The following GJB2 variants were observed in gnomAD, a reference collection of about 807,000 sequenced individuals.
GJB2 encodes the protein gap junction beta-2 protein.
Under a neutral mutation model 16.0 loss-of-function variants are expected in GJB2, and 30 were observed. The ratio of observed to expected loss-of-function variants is 1.88; its 90% CI spans 1.41 to 2.55. The LOEUF is 2.55. Among genes scored for constraint, GJB2 ranks in the 30% most tolerant of loss-of-function variants. GJB2 has a pLI of 0.00. For missense variants in GJB2, 284 were observed against 289.7 expected (o/e 0.98, Z 0.14); for synonymous variants, 123 against 119.1 (o/e 1.03, Z -0.21).
In GJB2 at chr13:20,187,688, C is replaced by T. The variant is rs1202763642; in HGVS notation, c.*1213G>A. The T allele has an allele frequency of 6.6e-6, 1 of 152,144 alleles. No homozygotes were observed. Among genetic ancestry groups the T allele is most frequent in the Admixed American group, 6.5e-5 (1 of 15,268 alleles). 9.4% of individuals were successfully genotyped at this position (152,144 alleles called of 1,614,324 possible). On this transcript the variant is annotated 3_prime_UTR_variant, in exon 2 of 2. Coordinates refer to ENST00000382848, the MANE Select transcript of GJB2 (RefSeq NM_004004.6). ...AATGGCAATATTCAGGTTCAATCTT[C>T]CTATAGATCTGCTCAATATTTATCT... is the stretch of plus-strand genomic sequence containing the variant.
Position 20,188,684 on chromosome 13 carries a change from G to A in GJB2, c.*217C>T. 6.8e-6 allele frequency: 4 copies of A among 592,432 alleles called. No homozygotes were observed. In the East Asian group the frequency reaches 8.4e-5, roughly 12 times the overall value. The allele number at this position is 592,432 out of a possible 1,614,324, so 36.7% of individuals were successfully genotyped here. On this transcript the variant is annotated 3_prime_UTR_variant, in exon 2 of 2. Coordinates refer to ENST00000382848, the MANE Select transcript of GJB2 (RefSeq NM_004004.6). The stretch of plus-strand genomic sequence containing the variant: ...CTTAAGTGAAAGAAAATTAAGACAG[G>A]CATAGAATTAGGCCTTTGTTTTGAG...
chr13:20,187,819 T>C lies in GJB2; in HGVS notation c.*1082A>G, dbSNP rs752926267. ...AAACTTTTGAAGTAGACAAAGCTCA[T>C]CTTTAATCAACAGACTTTAGAGTCC... On this transcript the variant is annotated 3_prime_UTR_variant, in exon 2 of 2. Transcript: ENST00000382848. The C allele has an allele frequency of 6.6e-6, 1 of 152,274 alleles. No homozygotes were observed. Among genetic ancestry groups the C allele is most frequent in the Non-Finnish European group, 1.5e-5 (1 of 68,048 alleles). The allele number at this position is 152,274 out of a possible 1,614,324, so 9.4% of individuals were successfully genotyped here.
At chr13:20,192,091 C>T (rs1411184967) in intron 1 of GJB2, among the ~76,000 whole-genome samples, 1 of 152,240 alleles carries the variant, frequency 6.6e-6, no homozygotes, top group African/African-American at 2.4e-5. Flanking sequence ...TGGAACCGTC[C>T]TGAGGACGCG....
rs536433706 is a variant in GJB2, at chr13:20,192,038, C to T, written c.-23+745G>A. On this transcript the variant is annotated intron_variant, in intron 1 of 1. Transcript: ENST00000382848. ...AGCTGTTAGTTAGGTGAGCGCTGTTCGGGCTGCCTTCCTCCTCCAGTGGGG... is the reference window on the plus strand; with the variant it reads ...AGCTGTTAGTTAGGTGAGCGCTGTTTGGGCTGCCTTCCTCCTCCAGTGGGG... Among the ~76,000 whole-genome samples, 22 of 152,326 alleles carry T rather than the reference C, an allele frequency of 1.4e-4. 1 individual carries two copies. The highest frequency in any genetic ancestry group is 5.3e-4 in the African/African-American group (22 of 41,562).
At chr13:20,192,300 G>A (rs1357538448) in intron 1 of GJB2, among the ~76,000 whole-genome samples, 2 of 152,212 alleles carry the variant, frequency 1.3e-5, no homozygotes, top group African/African-American at 4.8e-5. Flanking sequence ...TCTGCCCGGG[G>A]ATTTTTCTGC....
At position 20,189,153 on chromosome 13, in the gene GJB2, C is replaced by T; in HGVS notation, c.429G>A (p.Arg143=). Residue 143 remains arginine, a synonymous_variant, in exon 2 of 2, where the codon CGG becomes CGA. Coordinates refer to ENST00000382848, the MANE Select transcript of GJB2 (RefSeq NM_004004.6). ...ACATGAAGGCGGCTTCGAAGATGAC[C>T]CGGAAGAAGATGCTGCTTGTGTAGG... The part of the protein sequence containing the change: ...WWTYTSSIFF[R]VIFEAAFMYV... 2.5e-6 allele frequency: 4 copies of T among 1,614,066 alleles called. No homozygotes were observed. Among genetic ancestry groups the T allele is most frequent in the Non-Finnish European group, 3.4e-6 (4 of 1,180,046 alleles).
chr13:20,190,008 C>T (rs9578261), intron 1 of GJB2, among the ~76,000 whole-genome samples: 11,088 of 152,256 alleles, frequency 0.073, 1,329 homozygotes, highest in African/African-American at 0.25. Context: ...AGTTACTCAG[C>T]GTTCAACAGC....
intron 1 of GJB2, among the ~76,000 whole-genome samples, chr13:20,190,682 T>A (rs1405749708): frequency 6.6e-6 from 1 of 152,186 alleles, no homozygotes; most frequent in Non-Finnish European, 1.5e-5. Context: ...TGAATTGTCT[T>A]CACTGATTCA....
chr13:20,190,447 A>C (rs1262076563), intron 1 of GJB2, among the ~76,000 whole-genome samples: 4 of 152,206 alleles, frequency 2.6e-5, no homozygotes, highest in Admixed American at 2.6e-4. Flanking sequence ...GTGCATTATA[A>C]TTGTGGGCTG....
At position 20,189,333 on chromosome 13, in the gene GJB2, G is replaced by A. The variant is rs111033218; in HGVS notation, c.249C>T (p.Phe83=). ...CCACTAGGAGCGCTGGCGTGGACAC[G>A]AAGATCAGCTGCAGGGCCCATAGCC... The part of the protein sequence containing the change: ...HIRLWALQLI[F]VSTPALLVAM... Residue 83 remains phenylalanine, a synonymous_variant, in exon 2 of 2, where the codon TTC becomes TTT. Transcript: ENST00000382848. 1.4e-5 allele frequency: 22 copies of A among 1,614,090 alleles called. No individual in the cohort carries two copies. The highest frequency in any genetic ancestry group is 6.6e-5 in the South Asian group (6 of 91,078).
In GJB2 at chr13:20,189,066, C is replaced by T. The variant is rs1302739538; in HGVS notation, c.516G>A (p.Trp172Ter). ...AGCAGTCCACAGTGTTGGGACAAGGCCAGGCGTTGCACTTCACCAGCCGCT... is the reference window on the plus strand; with the variant it reads ...AGCAGTCCACAGTGTTGGGACAAGGTCAGGCGTTGCACTTCACCAGCCGCT... ...SMQRLVKCNAWPCPNTVDCFV... is the reference protein window; with the variant it reads ...SMQRLVKCNA Residue 172 changes from tryptophan (W) to a stop codon, truncating the protein, a stop_gained, in exon 2 of 2, where the codon TGG (tryptophan) becomes TGA (stop). Coordinates refer to ENST00000382848, the MANE Select transcript of GJB2 (RefSeq NM_004004.6). LOFTEE classifies it high-confidence loss of function. 1.2e-6 allele frequency: 2 copies of T among 1,614,052 alleles called. No homozygotes were observed. The highest frequency in any genetic ancestry group is 1.7e-6 in the Non-Finnish European group (2 of 1,180,030).
At chr13:20,190,638 T>A (rs918759401) in intron 1 of GJB2, among the ~76,000 whole-genome samples, 3 of 152,238 alleles carry the variant, frequency 2.0e-5, no homozygotes, top group Admixed American at 6.5e-5. Flanking sequence ...GATAATCTCC[T>A]GTGAGCCCAT....
chr13:20,189,296 C>T lies in GJB2; in HGVS notation c.286G>A (p.Ala96Thr). Residue 96 changes from alanine (A) to threonine (T), a missense_variant, in exon 2 of 2, where the codon GCC (alanine) becomes ACC (threonine). Ala to Thr is a moderately conservative substitution (Grantham distance 58). Transcript: ENST00000382848. The stretch of plus-strand genomic sequence containing the variant: ...CTCTTCTTCTCATGTCTCCGGTAGG[C>T]CACGTGCATGGCCACTAGGAGCGCT... ...TPALLVAMHV[A>T]YRRHEKKRKF... 2 of 1,613,956 alleles carry T rather than the reference C, an allele frequency of 1.2e-6. No individual in the cohort carries two copies. The highest frequency in any genetic ancestry group is 1.7e-6 in the Non-Finnish European group (2 of 1,180,030).
In GJB2 at chr13:20,189,552, C is replaced by G. The variant is rs1215210213; in HGVS notation, c.30G>C (p.Leu10=). The G allele has an allele frequency of 5.0e-6, 8 of 1,614,030 alleles. No individual in the cohort carries two copies. Among genetic ancestry groups the G allele is most frequent in the Non-Finnish European group, 6.8e-6 (8 of 1,180,006 alleles). The part of the protein sequence containing the change: MDWGTLQTI[L]GGVNKHSTSI... ...TGGTGGAGTGTTTGTTCACACCCCC[C>G]AGGATCGTCTGCAGCGTGCCCCAAT... The change falls in exon 2 of 2, where the codon CTG becomes CTC. Residue 10 remains leucine, a synonymous_variant. Coordinates refer to ENST00000382848, the MANE Select transcript of GJB2 (RefSeq NM_004004.6).
chr13:20,189,193 C>T lies in GJB2; in HGVS notation c.389G>A (p.Gly130Asp), dbSNP rs779018464. Residue 130 changes from glycine to aspartate, a missense_variant, in exon 2 of 2, where the codon GGC becomes GAC. By Grantham distance (94) the Gly-to-Asp change is moderately conservative (BLOSUM62 -1). Transcript: ENST00000382848. ...EIKTQKVRIE[G>D]SLWWTYTSSI... The stretch of plus-strand genomic sequence containing the variant: ...GCTTGTGTAGGTCCACCACAGGGAG[C>T]CTTCGATGCGGACCTTCTGGGTTTT... 1 of 1,613,852 alleles carries T rather than the reference C, an allele frequency of 6.2e-7. No homozygotes were observed. The highest frequency in any genetic ancestry group is 8.5e-7 in the Non-Finnish European group (1 of 1,180,010).
At chr13:20,192,123 C>A (rs1306756520) in intron 1 of GJB2, among the ~76,000 whole-genome samples, 1 of 152,202 alleles carries the variant, frequency 6.6e-6, no homozygotes, top group Non-Finnish European at 1.5e-5. Context: ...CACACCACCT[C>A]TTCGCGAACA....
Position 20,188,851 on chromosome 13 carries a change from C to T in GJB2, c.*50G>A. The T allele has an allele frequency of 1.4e-6, 2 of 1,441,344 alleles. No individual in the cohort carries two copies. The highest frequency in any genetic ancestry group is 2.0e-6 in the Non-Finnish European group (2 of 1,023,954). 89.3% of individuals were successfully genotyped at this position (1,441,344 alleles called of 1,614,324 possible). A position where few individuals can be genotyped will look rare whatever the true frequency, so the allele number is the denominator to read the frequency against. ...GCCTTGACAGCTGAGCACGGGTTGCCTCATCCCTCTCATGCTGTCTATTTC... is the reference window on the plus strand; with the variant it reads ...GCCTTGACAGCTGAGCACGGGTTGCTTCATCCCTCTCATGCTGTCTATTTC... On this transcript the variant is annotated 3_prime_UTR_variant, in exon 2 of 2. Coordinates refer to ENST00000382848, the MANE Select transcript of GJB2 (RefSeq NM_004004.6).
At chr13:20,190,277 C>T (rs1959069232) in intron 1 of GJB2, among the ~76,000 whole-genome samples, 1 of 152,194 alleles carries the variant, frequency 6.6e-6, no homozygotes, top group African/African-American at 2.4e-5. Context: ...ACCTTGCTTC[C>T]TCCTACGTGA....
rs786204491 is a variant in GJB2, at chr13:20,189,291, G to GT, written c.290dup (p.Tyr97Ter). The GT allele has an allele frequency of 1.3e-5, 21 of 1,613,684 alleles. No individual in the cohort carries two copies. The highest frequency in any genetic ancestry group is 1.5e-5 in the Non-Finnish European group (18 of 1,180,012). ...PALLVAMHVA[Y>*]RRHEKKRKFI... is the part of the protein sequence containing the mutation. ...ACTTCCTCTTCTTCTCATGTCTCCG[G>GT]TAGGCCACGTGCATGGCCACTAGGA... Residue 97 changes from tyrosine to a stop codon, truncating the protein, a stop_gained and frameshift_variant, in exon 2 of 2, where the codon TAC becomes TAAC. Coordinates refer to ENST00000382848, the MANE Select transcript of GJB2 (RefSeq NM_004004.6). LOFTEE classifies it high-confidence loss of function.
Sources: allele counts gnomAD v4.1 joint callset (sites outside exome capture counted in the v4.1 genomes callset), GRCh38; gene constraint gnomAD v4.1.1; transcripts MANE v1.5; gene names NCBI Gene and HGNC (gene_info 2026-07-23, HGNC 2026-07-21).